Variants in SLIT1 observed in about 807,000 individuals in gnomAD.
SLIT1 encodes the protein slit homolog 1 protein.
A neutral mutation model predicts 186.1 loss-of-function variants in SLIT1; 66 were observed. The observed-to-expected ratio is 0.35, with a 90% CI of 0.29 to 0.44. The LOEUF is 0.44. Ranked by LOEUF, SLIT1 falls within the 20% of genes least tolerant of loss-of-function variation. The probability of loss-of-function intolerance (pLI) is 1.00; values close to 1 mark genes in which losing one functional copy is unlikely to be tolerated. For missense variants in SLIT1, 1,638 were observed against 2,037.4 expected (o/e 0.80, Z 3.77); for synonymous variants, 761 against 833.8 (o/e 0.91, Z 1.50).
Position 97,001,311 on chromosome 10 carries a change from T to A in SLIT1, c.4406A>T (p.Gln1469Leu). The A allele has an allele frequency of 3.1e-6, 5 of 1,613,176 alleles. No homozygotes were observed. The highest frequency in any genetic ancestry group is 4.2e-6 in the Non-Finnish European group (5 of 1,179,978). ...CRGDPVRDFH[Q>L]VQRGYAICQT... ...GCAGATGGCATAGCCCCTCTGGACCTGGTGAAAGTCCCGGACAGGGTCCCC... is the reference window on the plus strand; with the variant it reads ...GCAGATGGCATAGCCCCTCTGGACCAGGTGAAAGTCCCGGACAGGGTCCCC... The change falls in exon 37 of 37, where the codon CAG becomes CTG. Residue 1469 changes from glutamine to leucine, a missense_variant. Transcript: ENST00000266058.
intron 4 of SLIT1, among the ~76,000 whole-genome samples, chr10:97,086,291 C>T (rs895838536): frequency 4.6e-5 from 7 of 152,086 alleles, no homozygotes; most frequent in Admixed American, 4.6e-4. Flanking sequence ...ATGAGCTGGC[C>T]GGATGAGGTG....
At chr10:97,003,212 C>A (rs943312213) in intron 34 of SLIT1, among the ~76,000 whole-genome samples, 2 of 152,224 alleles carry the variant, frequency 1.3e-5, no homozygotes, top group African/African-American at 4.8e-5. Flanking sequence ...GGAGCTGGGG[C>A]ATCAGGCCTG....
intron 4 of SLIT1, among the ~76,000 whole-genome samples, chr10:97,148,720 C>T (rs1359087434): frequency 6.6e-6 from 1 of 152,144 alleles, no homozygotes; most frequent in Non-Finnish European, 1.5e-5. Context: ...AAATTATTTT[C>T]ATAATTTTTA....
intron 3 of SLIT1, among the ~76,000 whole-genome samples, chr10:97,160,361 T>C (rs1850009925): frequency 6.6e-6 from 1 of 152,214 alleles, no homozygotes; most frequent in African/African-American, 2.4e-5. Context: ...CTAAGTGGAA[T>C]GCTTTAGAAA....
rs1363353276 is a variant in SLIT1, at chr10:97,002,832, G to A, written c.4026C>T (p.Cys1342=). The change falls in exon 35 of 37, where the codon TGC becomes TGT. Residue 1342 remains cysteine, a synonymous_variant. Transcript: ENST00000266058. The part of the protein sequence containing the change: ...KPGVVPGCEP[C]RKLYCLHGIC... ...TGCCATGCAGGCAGTAGAGCTTGCG[G>A]CAGGGTTCGCAGCCTGGCACCACGC... is the stretch of plus-strand genomic sequence containing the variant. 3.7e-6 allele frequency: 6 copies of A among 1,614,086 alleles called. No homozygotes were observed. The African/African-American group carries it at 8.0e-5, about 22-fold the overall frequency.
chr10:97,090,186 A>G (rs1052773393), intron 4 of SLIT1, among the ~76,000 whole-genome samples: 6 of 152,180 alleles, frequency 3.9e-5, no homozygotes, highest in Non-Finnish European at 7.4e-5. Flanking sequence ...ACATGATTTC[A>G]GAGATGGAGG....
chr10:97,047,286 G>A (rs564379298), intron 16 of SLIT1, among the ~76,000 whole-genome samples: 7 of 152,312 alleles, frequency 4.6e-5, no homozygotes, highest in South Asian at 4.1e-4. Flanking sequence ...ATTTACAGAC[G>A]TAAATGACAG....
At position 97,002,304 on chromosome 10, in the gene SLIT1, T is replaced by A. The variant is rs1201275381; in HGVS notation, c.4220A>T (p.Tyr1407Phe). ...GGCCTGGTTGCACAGTGCCCCCGAG[T>A]ACCCATCCTGGCACTGGCAGCTGTA... ...LSYSCQCQDG[Y>F]SGALCNQAGA... Residue 1407 changes from tyrosine (Y) to phenylalanine (F), a missense_variant, in exon 36 of 37, where the codon TAC becomes TTC. Physicochemically the swap from Tyr to Phe is conservative, Grantham distance 22 (BLOSUM62 3). This residue lies in a region of SLIT1 where 220 missense variants were observed against 211.3 expected (regional missense o/e 1.04). Coordinates refer to ENST00000266058, the MANE Select transcript of SLIT1 (RefSeq NM_003061.3). 1 of 1,611,458 alleles carries A rather than the reference T, an allele frequency of 6.2e-7. No homozygotes were observed. Among genetic ancestry groups the A allele is most frequent in the Admixed American group, 1.7e-5 (1 of 59,942 alleles).
chr10:97,057,652 G>A (rs1393965714), intron 11 of SLIT1: 1 of 359,732 alleles, frequency 2.8e-6, no homozygotes, highest in Admixed American at 4.2e-5. Flanking sequence ...AAAATCCCAT[G>A]GGCAGGAATA....
intron 4 of SLIT1, among the ~76,000 whole-genome samples, chr10:97,084,484 A>G (rs1849136675): frequency 6.6e-6 from 1 of 152,180 alleles, no homozygotes; most frequent in African/African-American, 2.4e-5. Context: ...CTTATTTTCC[A>G]TATCTGTAAA....
At chr10:97,108,586 G>A (rs752614980) in intron 4 of SLIT1, among the ~76,000 whole-genome samples, 1 of 152,150 alleles carries the variant, frequency 6.6e-6, no homozygotes, top group African/African-American at 2.4e-5. Flanking sequence ...CATGGCATCG[G>A]CTGGTGGTTA....
intron 26 of SLIT1, 75 bp from the exon 27 acceptor site, chr10:97,019,182 C>A: frequency 1.0e-6 from 1 of 953,744 alleles, no homozygotes; most frequent in Non-Finnish European, 1.7e-6. Context: ...ACCTCAACCC[C>A]GAGGAGCCCA....
chr10:97,163,780 A>G (rs142572618), intron 2 of SLIT1, among the ~76,000 whole-genome samples: 2 of 152,350 alleles, frequency 1.3e-5, no homozygotes, highest in African/African-American at 2.4e-5. Flanking sequence ...CTCCGCTCCA[A>G]TCAGGCTCCA....
At chr10:97,145,228 C>A (rs1849804339) in intron 4 of SLIT1, among the ~76,000 whole-genome samples, 1 of 152,108 alleles carries the variant, frequency 6.6e-6, no homozygotes, top group South Asian at 2.1e-4. Context: ...AGCAATTCTC[C>A]CGCCTCAGCC....
chr10:97,120,578 G>A (rs1042956062), intron 4 of SLIT1, among the ~76,000 whole-genome samples: 23 of 152,354 alleles, frequency 1.5e-4, no homozygotes, highest in East Asian at 7.7e-4. Context: ...GGCTCTGAGC[G>A]GCGGCGCAGT....
intron 18 of SLIT1, 76 bp downstream of exon 18, chr10:97,046,578 C>T (rs1233559048): frequency 7.0e-6 from 10 of 1,430,898 alleles, no homozygotes; most frequent in South Asian, 1.4e-5. Context: ...GCTCCTCCAG[C>T]CTCTCTCTTC....
intron 11 of SLIT1, chr10:97,057,806 G>T: frequency 1.8e-6 from 1 of 550,644 alleles, no homozygotes. Context: ...TGAATTCCAT[G>T]TATAGGTTTT....
chr10:97,092,604 A>G (rs983073770), intron 4 of SLIT1, among the ~76,000 whole-genome samples: 3 of 152,228 alleles, frequency 2.0e-5, no homozygotes, highest in Non-Finnish European at 1.5e-5. Flanking sequence ...GACTCTCCCC[A>G]TGAAATATCA....
intron 4 of SLIT1, among the ~76,000 whole-genome samples, chr10:97,141,712 GTA>G (rs1227000638): frequency 3.4e-4 from 44 of 127,806 alleles, no homozygotes; most frequent in African/African-American, 1.4e-3. Context: ...GTATTGTATT[GTA>G]CTGTATTGTA....
Sources: gnomAD v4.1 joint callset for allele counts (sites outside exome capture counted in the v4.1 genomes callset) on GRCh38, gnomAD v4.1.1 for gene constraint, gnomAD v4.1.1 regional missense constraint, MANE v1.5 for transcripts, NCBI Gene and HGNC (gene_info 2026-07-23, HGNC 2026-07-21) for gene names.